ZFP30: variants seen among roughly 807,000 people sequenced by gnomAD.
The protein encoded by ZFP30 is zinc finger protein 30 homolog.
ZFP30 carries 16 observed loss-of-function variants against 12.3 expected under a neutral mutation model. The observed-to-expected ratio is 1.30, with a 90% confidence interval of 0.88 to 1.98. The LOEUF is 1.98. ZFP30 is among the 30% of genes most tolerant of loss of function. ZFP30 has a pLI of 0.00. For missense variants in ZFP30, 560 were observed against 611.2 expected, an observed-to-expected ratio of 0.92 and a Z score of 0.88; for synonymous variants, 172 against 201.0, an observed-to-expected ratio of 0.86 and a Z score of 1.22.
intron 5 of ZFP30, among the ~76,000 whole-genome samples, chr19:37,636,800 TC>T (rs1293731894): frequency 6.6e-6 from 1 of 151,878 alleles, no homozygotes; most frequent in Non-Finnish European, 1.5e-5. Context: ...AACCTCTGCC[TC>T]CCAGGTTCAA....
rs993549265 is a variant in ZFP30, at chr19:37,647,951, A to T, written c.-77-52T>A. 4 of 1,083,268 alleles carry T rather than the reference A, an allele frequency of 3.7e-6. No individual in the cohort carries two copies. In the African/African-American group the frequency reaches 6.4e-5, roughly 17 times the overall value. 67.1% of individuals were successfully genotyped at this position (1,083,268 alleles called of 1,614,324 possible). A position where few individuals can be genotyped will look rare whatever the true frequency, so the allele number is the denominator to read the frequency against. ...AGAAGAGAACTGCCTCAGAGTTTCCAAATTTTAAAAACTGGTACTACTTCT... is the reference window on the plus strand; with the variant it reads ...AGAAGAGAACTGCCTCAGAGTTTCCTAATTTTAAAAACTGGTACTACTTCT... On this transcript the variant is annotated intron_variant, in intron 2 of 5. Transcript: ENST00000684514.
intron 5 of ZFP30, 62 bp downstream of exon 5, chr19:37,643,203 C>G (rs2044472707): frequency 1.4e-5 from 19 of 1,352,742 alleles, no homozygotes. Context: ...GGGTGTGTCT[C>G]CTCCTCAACC....
intron 3 of ZFP30, among the ~76,000 whole-genome samples, chr19:37,645,605 A>G (rs986686731): frequency 6.6e-6 from 1 of 150,516 alleles, no homozygotes; most frequent in African/African-American, 2.5e-5. Flanking sequence ...ACTATGGAAT[A>G]GGAGATAATT....
At position 37,635,943 on chromosome 19, in the gene ZFP30, G is replaced by T; in HGVS notation, c.598C>A (p.His200Asn). 29 of 1,614,028 alleles carry T rather than the reference G, an allele frequency of 1.8e-5. No individual in the cohort carries two copies. The highest frequency in any genetic ancestry group is 2.5e-5 in the Non-Finnish European group (29 of 1,180,006). ...TGAATTCTCTGATGTCGACTGAGGT[G>T]GGCACACTGTCTAAAGGCTTTTCCA... ...ECGKAFRQCA[H>N]LSRHQRIHTS... Residue 200 changes from histidine to asparagine, a missense_variant, in exon 6 of 6, where the codon CAC becomes AAC. Coordinates refer to ENST00000684514, the MANE Select transcript of ZFP30 (RefSeq NM_001320669.3).
chr19:37,654,520 T>C (rs927428289), intron 2 of ZFP30, among the ~76,000 whole-genome samples, 192 bp downstream of exon 2: 5 of 152,194 alleles, frequency 3.3e-5, no homozygotes, highest in Non-Finnish European at 7.3e-5. Flanking sequence ...TAACTAACCA[T>C]GTGTCTAACT....
chr19:37,644,971 C>T (rs925312869), intron 3 of ZFP30, among the ~76,000 whole-genome samples: 1 of 151,546 alleles, frequency 6.6e-6, no homozygotes, highest in African/African-American at 2.4e-5. Context: ...TTTGGGAGGC[C>T]GAGGCAGGCA....
In ZFP30 at chr19:37,635,934, G is replaced by A. The variant is rs1198972774; in HGVS notation, c.607C>T (p.Arg203Ter). The change falls in exon 6 of 6, where the codon CGA becomes TGA. Residue 203 changes from arginine (R) to a stop codon, truncating the protein, a stop_gained. Coordinates refer to ENST00000684514, the MANE Select transcript of ZFP30 (RefSeq NM_001320669.3). LOFTEE classifies it low-confidence loss of function (END_TRUNC). ...TCAGAAGTATGAATTCTCTGATGTC[G>A]ACTGAGGTGGGCACACTGTCTAAAG... ...KAFRQCAHLS[R>*]HQRIHTSDKL... The A allele has an allele frequency of 9.3e-6, 15 of 1,613,906 alleles. No individual in the cohort carries two copies. In the Middle Eastern group the frequency reaches 4.9e-4, roughly 53 times the overall value.
At chr19:37,650,904 A>C (rs1333164587) in intron 2 of ZFP30, among the ~76,000 whole-genome samples, 3 of 151,710 alleles carry the variant, frequency 2.0e-5, no homozygotes, top group African/African-American at 7.3e-5. Flanking sequence ...CGCCCAGCTA[A>C]TTTTTGTGTT....
chr19:37,636,719 CTTTT>C (rs951582570), intron 5 of ZFP30, among the ~76,000 whole-genome samples: 1 of 145,704 alleles, frequency 6.9e-6, no homozygotes, highest in Non-Finnish European at 1.5e-5. Flanking sequence ...TCTTTCTTTT[CTTTT>C]TTTTTTTTCG....
chr19:37,636,327 A>C (rs775615758), intron 5 of ZFP30, 22 bp from the exon 6 acceptor site: 4 of 1,548,348 alleles, frequency 2.6e-6, no homozygotes, highest in Non-Finnish European at 3.5e-6. Flanking sequence ...CAAGACCAAA[A>C]CATATTTTCC....
intron 5 of ZFP30, among the ~76,000 whole-genome samples, chr19:37,642,064 C>G (rs1406454765): frequency 2.0e-5 from 3 of 152,142 alleles, no homozygotes; most frequent in African/African-American, 7.2e-5. Context: ...GAAACAACAC[C>G]CGATTGCCTC....
At chr19:37,648,964 G>A (rs1255337960) in intron 2 of ZFP30, among the ~76,000 whole-genome samples, 5 of 152,232 alleles carry the variant, frequency 3.3e-5, no homozygotes, top group African/African-American at 1.2e-4. Flanking sequence ...TAGGCTGGGT[G>A]CAGTGGCTCA....
In ZFP30 at chr19:37,635,787, T is replaced by G; in HGVS notation, c.754A>C (p.Arg252=). ...YECKECGKAF[R]VRGQLNLHQR... is the part of the protein sequence containing the mutation. ...TGGAGATTAAGTTGTCCTCTAACTC[T>G]AAAGGCTTTCCCACATTCTTTACAT... Residue 252 remains arginine, a synonymous_variant, in exon 6 of 6, where the codon AGA becomes CGA. Transcript: ENST00000684514. 1 of 1,614,188 alleles carries G rather than the reference T, an allele frequency of 6.2e-7. No homozygotes were observed. Among genetic ancestry groups the G allele is most frequent in the Non-Finnish European group, 8.5e-7 (1 of 1,180,040 alleles).
chr19:37,641,135 T>C (rs1258709059), intron 5 of ZFP30, among the ~76,000 whole-genome samples: 2 of 152,236 alleles, frequency 1.3e-5, no homozygotes, highest in Admixed American at 6.5e-5. Context: ...AATCAATCTA[T>C]GTCTGAATTC....
At position 37,635,579 on chromosome 19, in the gene ZFP30, G is replaced by C. The variant is rs181776090; in HGVS notation, c.962C>G (p.Thr321Ser). ...TGLRLHHKLH[T>S]GEKPYECKEC... is the part of the protein sequence containing the mutation. ...CTTACATTCATAGGGTTTTTCTCCA[G>C]TATGAAGTTTGTGATGTAGTCGAAG... is the stretch of plus-strand genomic sequence containing the variant. The change falls in exon 6 of 6, where the codon ACT (threonine) becomes AGT (serine). Residue 321 changes from threonine to serine, a missense_variant. Transcript: ENST00000684514. 3.7e-5 allele frequency: 59 copies of C among 1,614,138 alleles called. No individual in the cohort carries two copies. In the Admixed American group the frequency reaches 7.2e-4, roughly 20 times the overall value.
At chr19:37,652,068 A>C (rs1234005687) in intron 2 of ZFP30, among the ~76,000 whole-genome samples, 1 of 152,162 alleles carries the variant, frequency 6.6e-6, no homozygotes, top group Admixed American at 6.5e-5. Context: ...TTTAAATCTC[A>C]ACTTAACTGA....
At position 37,634,850 on chromosome 19, in the gene ZFP30, C is replaced by A; in HGVS notation, c.*131G>T. The A allele has an allele frequency of 9.9e-7, 1 of 1,011,810 alleles. No homozygotes were observed. Among genetic ancestry groups the A allele is most frequent in the Middle Eastern group, 3.4e-4 (1 of 2,910 alleles). 62.7% of individuals were successfully genotyped at this position (1,011,810 alleles called of 1,614,324 possible). On this transcript the variant is annotated 3_prime_UTR_variant, in exon 6 of 6. Coordinates refer to ENST00000684514, the MANE Select transcript of ZFP30 (RefSeq NM_001320669.3). ...TATATGTTCATTAACATATTCTTTC[C>A]TTTAAATAAAACTTCCTATGCTTAG... is the stretch of plus-strand genomic sequence containing the variant.
Position 37,635,758 on chromosome 19 carries a change from T to C in ZFP30, c.783A>G (p.Gln261=). Reference sequence around the variant, plus strand: ...AGGGTTTCTCACCCGTGTGAATCCTTTGATGGAGATTAAGTTGTCCTCTAA... The same window carrying C: ...AGGGTTTCTCACCCGTGTGAATCCTCTGATGGAGATTAAGTTGTCCTCTAA... ...FRVRGQLNLH[Q]RIHTGEKPYE... Residue 261 remains glutamine, a synonymous_variant, in exon 6 of 6, where the codon CAA becomes CAG. Transcript: ENST00000684514. The C allele has an allele frequency of 1.2e-6, 2 of 1,614,000 alleles. No individual in the cohort carries two copies. Among genetic ancestry groups the C allele is most frequent in the South Asian group, 1.1e-5 (1 of 91,080 alleles).
At chr19:37,637,493 T>C (rs1385465583) in intron 5 of ZFP30, among the ~76,000 whole-genome samples, 1 of 151,820 alleles carries the variant, frequency 6.6e-6, no homozygotes, top group Admixed American at 6.6e-5. Flanking sequence ...CCAGCCTACT[T>C]CTTTCCTTTT....
Sources: gnomAD v4.1 joint callset for allele counts (sites outside exome capture counted in the v4.1 genomes callset) on GRCh38, gnomAD v4.1.1 for gene constraint, MANE v1.5 for transcripts, NCBI Gene and HGNC (gene_info 2026-07-23, HGNC 2026-07-21) for gene names.